Variants in GPM6A observed in about 807,000 individuals in gnomAD.
GPM6A encodes the protein neuronal membrane glycoprotein M6-a.
GPM6A carries 7 observed loss-of-function variants against 32.1 expected under a neutral mutation model. That is an observed-to-expected ratio of 0.22 (90% CI 0.12 to 0.41). GPM6A has a LOEUF of 0.41. GPM6A is among the 10% of genes least tolerant of loss of function. The probability of loss-of-function intolerance (pLI) is 1.00; values close to 1 mark genes in which losing one functional copy is unlikely to be tolerated. For missense variants in GPM6A, 235 were observed against 347.2 expected (o/e 0.68, Z 2.57); for synonymous variants, 130 against 123.4 (o/e 1.05, Z -0.35).
intron 1 of GPM6A, 107 bp downstream of exon 1, chr4:175,812,084 C>G: frequency 2.5e-6 from 2 of 807,574 alleles, no homozygotes; most frequent in East Asian, 2.7e-5. Flanking sequence ...GAACAAAATG[C>G]CTTCCAAGAG....
intron 1 of GPM6A, among the ~76,000 whole-genome samples, chr4:175,996,802 C>CA (rs971290178): frequency 6.6e-6 from 1 of 152,172 alleles, no homozygotes; most frequent in Non-Finnish European, 1.5e-5. Flanking sequence ...GCACACTTAA[C>CA]AAGACAGCTC....
intron 2 of GPM6A, among the ~76,000 whole-genome samples, chr4:175,674,089 C>T (rs1743231342): frequency 6.6e-6 from 1 of 152,184 alleles, no homozygotes; most frequent in Non-Finnish European, 1.5e-5. Flanking sequence ...TCTTTTCTAA[C>T]TTCTCCTCTT....
In GPM6A at chr4:175,923,503, C is replaced by A. The variant is rs957391926; in HGVS notation, c.-23+78806G>T. Reference sequence around the variant, plus strand: ...GGTTCCAAGCCTCCAATACTCCATGCTCACCTTCCTGCAGTTTTGGGGTTT... The same window carrying A: ...GGTTCCAAGCCTCCAATACTCCATGATCACCTTCCTGCAGTTTTGGGGTTT... On this transcript the variant is annotated intron_variant, in intron 1 of 7. Transcript: ENST00000280187. 4.0e-5 allele frequency among the ~76,000 whole-genome samples: 6 copies of A among 151,238 alleles called. No individual in the cohort carries two copies. The South Asian group carries it at 6.3e-4, about 16-fold the overall frequency.
intron 1 of GPM6A, among the ~76,000 whole-genome samples, chr4:175,965,974 A>G (rs1399801480): frequency 6.6e-6 from 1 of 152,182 alleles, no homozygotes; most frequent in Admixed American, 6.5e-5. Context: ...TATTACAAAC[A>G]ACTCTATGCC....
At chr4:175,868,975 T>G (rs371864141) in intron 1 of GPM6A, among the ~76,000 whole-genome samples, 3 of 152,218 alleles carry the variant, frequency 2.0e-5, no homozygotes, top group Non-Finnish European at 4.4e-5. Flanking sequence ...CTACACTAAT[T>G]CCTAGGTACC....
intron 1 of GPM6A, among the ~76,000 whole-genome samples, chr4:175,777,029 T>C (rs1176717569): frequency 2.6e-5 from 4 of 152,206 alleles, no homozygotes; most frequent in Non-Finnish European, 5.9e-5. Context: ...ATAACAGACA[T>C]TTATAAATTC....
chr4:175,949,617 A>T (rs942236574), intron 1 of GPM6A, among the ~76,000 whole-genome samples: 2 of 152,112 alleles, frequency 1.3e-5, no homozygotes, highest in African/African-American at 4.8e-5. Flanking sequence ...CATAGCTAAT[A>T]CTCCTTGCAT....
chr4:175,989,566 T>A (rs534103359), intron 1 of GPM6A, among the ~76,000 whole-genome samples: 1 of 151,930 alleles, frequency 6.6e-6, no homozygotes, highest in African/African-American at 2.4e-5. Flanking sequence ...GTGATCTTTT[T>A]AAAAAAAAGC....
At chr4:175,813,207 G>T, upstream of GPM6A, 1 of 360,134 alleles carries the variant, frequency 2.8e-6, no homozygotes, top group Non-Finnish European at 3.9e-6. Flanking sequence ...TTAAAGGTCA[G>T]TGTTAGGGAA....
intron 1 of GPM6A, among the ~76,000 whole-genome samples, chr4:175,742,436 G>A (rs1472917605): frequency 6.6e-6 from 1 of 152,032 alleles, no homozygotes; most frequent in African/African-American, 2.4e-5. Context: ...GCTTATCAGT[G>A]ACTTTTCAAA....
At chr4:175,840,150 G>T (rs1218732739) in intron 1 of GPM6A, among the ~76,000 whole-genome samples, 1 of 152,132 alleles carries the variant, frequency 6.6e-6, no homozygotes, top group Non-Finnish European at 1.5e-5. Context: ...GAATAGAAAA[G>T]AGTTTCTCAT....
intron 1 of GPM6A, among the ~76,000 whole-genome samples, chr4:175,780,369 T>G (rs911147223): frequency 7.2e-5 from 11 of 152,122 alleles, no homozygotes; most frequent in Non-Finnish European, 1.5e-4. Flanking sequence ...TTTTAATAAA[T>G]CACTTGCATG....
chr4:175,930,010 C>T (rs1435336435), intron 1 of GPM6A, among the ~76,000 whole-genome samples: 2 of 152,070 alleles, frequency 1.3e-5, no homozygotes, highest in Non-Finnish European at 2.9e-5. Context: ...TATATATTCC[C>T]TATAGCTAAA....
chr4:175,644,172 A>G (rs1460434692), intron 4 of GPM6A, among the ~76,000 whole-genome samples: 2 of 122,942 alleles, frequency 1.6e-5, no homozygotes, highest in Non-Finnish European at 3.2e-5. Context: ...TGCCCAGGCC[A>G]GACTGCAGTG....
At chr4:175,878,571 G>C (rs751467895) in intron 1 of GPM6A, among the ~76,000 whole-genome samples, 2 of 152,042 alleles carry the variant, frequency 1.3e-5, no homozygotes. Flanking sequence ...CCACAGCTGG[G>C]ACAGGGCACC....
At chr4:175,931,671 T>TACACACACAC (rs376901123) in intron 1 of GPM6A, among the ~76,000 whole-genome samples, 7 of 136,588 alleles carry the variant, frequency 5.1e-5, no homozygotes, top group African/African-American at 2.0e-4. Flanking sequence ...TTAAAAAATA[T>TACACACACAC]ACACACACAC....
chr4:175,767,468 T>C (rs997560805), intron 1 of GPM6A, among the ~76,000 whole-genome samples: 2 of 152,218 alleles, frequency 1.3e-5, no homozygotes, highest in African/African-American at 4.8e-5. Context: ...AGCTTTACCA[T>C]GAAAACCTCG....
intron 3 of GPM6A, among the ~76,000 whole-genome samples, chr4:175,666,504 C>T (rs189056527): frequency 9.9e-5 from 15 of 152,204 alleles, no homozygotes. Context: ...TTTTCAATAT[C>T]TTTGCATAAA....
intron 1 of GPM6A, among the ~76,000 whole-genome samples, chr4:175,711,079 A>G (rs1218607057): frequency 1.3e-5 from 2 of 152,130 alleles, no homozygotes; most frequent in African/African-American, 4.8e-5. Flanking sequence ...TACTCTCTTG[A>G]CAGTACATCA....
Sources: gnomAD v4.1 joint callset for allele counts (sites outside exome capture counted in the v4.1 genomes callset) on GRCh38, gnomAD v4.1.1 for gene constraint, MANE v1.5 for transcripts, NCBI Gene and HGNC (gene_info 2026-07-23, HGNC 2026-07-21) for gene names.